Variants in DOC2A observed in about 807,000 individuals in gnomAD.
The protein encoded by DOC2A is double C2 domain alpha.
DOC2A carries 28 observed loss-of-function variants against 40.6 expected under a neutral mutation model. The observed-to-expected ratio is 0.69, with a 90% confidence interval of 0.51 to 0.95. The LOEUF (loss-of-function observed/expected upper bound fraction) is 0.95. Ranked by LOEUF, DOC2A falls within the 40% of genes least tolerant of loss-of-function variation. The probability of loss-of-function intolerance (pLI) is 0.00; values close to 1 mark genes in which losing one functional copy is unlikely to be tolerated. For synonymous variants in DOC2A, 241 were observed against 236.9 expected, an observed-to-expected ratio of 1.02 and a Z score of -0.16; for missense variants, 474 against 552.5, an observed-to-expected ratio of 0.86 and a Z score of 1.42.
rs2070624679 is a variant in DOC2A at position 30,006,966 on chromosome 16, A to G, written c.715-18T>C. 1.2e-6 allele frequency: 2 copies of G among 1,613,694 alleles called. No homozygotes were observed. Among genetic ancestry groups the G allele is most frequent in the South Asian group, 1.1e-5 (1 of 91,044 alleles). On this transcript the variant is annotated intron_variant, in intron 7 of 10. Coordinates refer to ENST00000350119, the MANE Select transcript of DOC2A (RefSeq NM_003586.3). This position sits in a 1 kb window ranked among gnomAD's most constrained non-coding sequence, Gnocchi z 6.2. ...TGCTCCAACTGCGGGGCACAGACTC[A>G]GGGTCAGCCTGGGCCCCTGCAGCCT...
chr16:30,011,243 A>G (rs12933575), upstream of DOC2A: 412,223 of 871,974 alleles, frequency 0.47, 98,254 homozygotes, highest in African/African-American at 0.56. Flanking sequence ...CACACATCCA[A>G]CCGGGCACCC....
rs1460306769 is a variant in DOC2A at position 30,009,591 on chromosome 16, TG to T, written c.263-35del. 2 of 1,502,864 alleles carry T rather than the reference TG, an allele frequency of 1.3e-6. No homozygotes were observed. The highest frequency in any genetic ancestry group is 1.8e-6 in the Non-Finnish European group (2 of 1,105,034). 93.1% of individuals were successfully genotyped at this position (1,502,864 alleles called of 1,614,324 possible). A position where few individuals can be genotyped will look rare whatever the true frequency, so the allele number is the denominator to read the frequency against. ...AGAGGAAAGGCAGCATGGGTCGGTA[TG>T]GAGACAGGTGTGTGCGAGAGGCCAG... On this transcript the variant is annotated intron_variant, in intron 2 of 10. Coordinates refer to ENST00000350119, the MANE Select transcript of DOC2A (RefSeq NM_003586.3). The surrounding 1 kb of genome is among the most constrained non-coding windows in gnomAD (Gnocchi z 4.1).
upstream of DOC2A, chr16:30,011,245 C>T: frequency 2.3e-6 from 2 of 888,282 alleles, no homozygotes; most frequent in Non-Finnish European, 2.7e-6. Context: ...CACATCCAAC[C>T]GGGCACCCCC....
chr16:30,009,992 C>A lies in DOC2A; in HGVS notation c.231G>T (p.Ala77=), dbSNP rs527492087. The change falls in exon 2 of 11, where the codon GCG becomes GCT. Residue 77 remains alanine (A), a synonymous_variant. Coordinates refer to ENST00000350119, the MANE Select transcript of DOC2A (RefSeq NM_003586.3). This position sits in a 1 kb window ranked among gnomAD's most constrained non-coding sequence, Gnocchi z 4.1. The part of the protein sequence containing the change: ...LLGATTPEDG[A]EVDSYDSDDA... ...CATCCGAGTCATAGCTGTCCACCTC[C>A]GCACCATCCTCAGGCGTGGTGGCCC... 6.2e-7 allele frequency: 1 copy of A among 1,611,894 alleles called. No individual in the cohort carries two copies. The highest frequency in any genetic ancestry group is 8.5e-7 in the Non-Finnish European group (1 of 1,179,842).
At chr16:30,016,237 T>C (rs1288835934), upstream of DOC2A, among the ~76,000 whole-genome samples, 3 of 149,806 alleles carry the variant, frequency 2.0e-5, no homozygotes, top group East Asian at 2.0e-4. Flanking sequence ...TTAGTGGAGA[T>C]AGGGTTTCAC....
intron 1 of DOC2A, among the ~76,000 whole-genome samples, chr16:30,018,464 G>C (rs926889241): frequency 6.6e-6 from 1 of 152,096 alleles, no homozygotes; most frequent in Non-Finnish European, 1.5e-5. Flanking sequence ...CGGATTACAG[G>C]CATGAGCCCC....
upstream of DOC2A, among the ~76,000 whole-genome samples, chr16:30,014,737 A>G (rs1466242510): frequency 1.3e-5 from 2 of 152,002 alleles, no homozygotes; most frequent in African/African-American, 4.8e-5. Context: ...CAGGAGTTCA[A>G]GATCAGCCTA....
Position 30,010,903 on chromosome 16 carries a change from C to G in DOC2A, c.-14G>C. 6.9e-6 allele frequency: 7 copies of G among 1,020,652 alleles called. No individual in the cohort carries two copies. The highest frequency in any genetic ancestry group is 8.2e-6 in the Non-Finnish European group (7 of 850,404). 63.2% of individuals were successfully genotyped at this position (1,020,652 alleles called of 1,614,324 possible). On this transcript the variant is annotated splice_region_variant and 5_prime_UTR_variant, in exon 1 of 11. Transcript: ENST00000350119. This position sits in a 1 kb window ranked among gnomAD's most constrained non-coding sequence, Gnocchi z 4.2. Reference sequence around the variant, plus strand: ...GGCCTGCCCAGCCCCCTGCACCTGCCTCTGCCTCCAACAGGTGCCCAGGCA... The same window carrying G: ...GGCCTGCCCAGCCCCCTGCACCTGCGTCTGCCTCCAACAGGTGCCCAGGCA...
In DOC2A at chr16:30,020,335, G is replaced by A. The variant is rs553811802; in HGVS notation, c.-376+848C>T. On this transcript the variant is annotated intron_variant, in intron 1 of 5. Transcript: ENST00000574405. ...CTGGGATCATAGGTGTGAGCACCGC[G>A]CCTGGCCCAAAAACCACATTACTGA... 3.9e-5 allele frequency among the ~76,000 whole-genome samples: 6 copies of A among 152,144 alleles called. No homozygotes were observed. The South Asian group carries it at 8.3e-4, about 21-fold the overall frequency.
chr16:30,006,213 A>AG lies in DOC2A; in HGVS notation c.1175dup (p.Ala393CysfsTer53). 3.8e-6 allele frequency: 6 copies of AG among 1,587,848 alleles called. No homozygotes were observed. The highest frequency in any genetic ancestry group is 5.1e-6 in the Non-Finnish European group (6 of 1,168,580). ...AGGCTGAGGACAGAGCCCCGGCCGC[A>AG]GGGGGCAGCTCACTGGTCAGGGTGT... is the stretch of plus-strand genomic sequence containing the variant. On this transcript the variant is annotated frameshift_variant, in exon 11 of 11. Transcript: ENST00000350119. LOFTEE classifies it high-confidence loss of function. The surrounding 1 kb of genome is among the most constrained non-coding windows in gnomAD (Gnocchi z 6.2).
intron 1 of DOC2A, chr16:30,018,962 C>T (rs2070884870): frequency 6.6e-6 from 1 of 152,146 alleles, no homozygotes; most frequent in South Asian, 2.1e-4. Context: ...ATTATGAGCT[C>T]TTTTGTGGAC....
intron 1 of DOC2A, among the ~76,000 whole-genome samples, chr16:30,017,748 G>A (rs2070868509): frequency 6.6e-6 from 1 of 152,042 alleles, no homozygotes; most frequent in Admixed American, 6.6e-5. Flanking sequence ...CTTGAGGCCA[G>A]GAGTTTGAGA....
upstream of DOC2A, among the ~76,000 whole-genome samples, chr16:30,016,202 C>T (rs141515365): frequency 0.013 from 1,892 of 150,966 alleles, 20 homozygotes; most frequent in Non-Finnish European, 0.02. Context: ...GTGCACACCA[C>T]CATGCCTGGC....
chr16:30,007,629 T>C, intron 5 of DOC2A: 1 of 406,704 alleles, frequency 2.5e-6, no homozygotes, highest in Non-Finnish European at 4.7e-6. Flanking sequence ...CCGTGAGAGC[T>C]AGAAGGGCCT....
At chr16:30,012,432 G>A (rs924600379), upstream of DOC2A, 3 of 152,136 alleles carry the variant, frequency 2.0e-5, no homozygotes, top group African/African-American at 7.2e-5. Flanking sequence ...TCTAAGTGCT[G>A]TTATTTAAAA....
At chr16:30,011,440 C>T (rs1484563358), upstream of DOC2A, 12 of 983,920 alleles carry the variant, frequency 1.2e-5, no homozygotes, top group Non-Finnish European at 1.3e-5. Flanking sequence ...GGAGACCTGG[C>T]CCCCCGCCCC....
upstream of DOC2A, chr16:30,013,634 G>C (rs1052955682): frequency 4.6e-5 from 4 of 87,802 alleles, no homozygotes; most frequent in African/African-American, 1.4e-4. Flanking sequence ...AAAATCCTTA[G>C]ACCCAGAAAT....
Position 30,009,058 on chromosome 16 carries a change from C to T in DOC2A, c.465G>A (p.Val155=). ...TKTQRNTLNP[V]WNEDLTYSGI... ...CGCTGTAAGTCAGGTCCTCATTCCA[C>T]ACGGGATTCAGTGTGTTCCTCTGAG... is the stretch of plus-strand genomic sequence containing the variant. Residue 155 remains valine (V), a synonymous_variant, in exon 5 of 11, where the codon GTG becomes GTA. Transcript: ENST00000350119. This position sits in a 1 kb window ranked among gnomAD's most constrained non-coding sequence, Gnocchi z 4.1. 1 of 1,614,130 alleles carries T rather than the reference C, an allele frequency of 6.2e-7. No individual in the cohort carries two copies. The highest frequency in any genetic ancestry group is 8.5e-7 in the Non-Finnish European group (1 of 1,180,030).
chr16:30,011,036 G>C (rs551651896), upstream of DOC2A: 2,466 of 986,166 alleles, frequency 2.5e-3, 6 homozygotes, highest in Non-Finnish European at 2.7e-3. Context: ...GCGGGGAGGA[G>C]GGGGTGAGCG....
Sources: gnomAD v4.1 joint callset for allele counts (sites outside exome capture counted in the v4.1 genomes callset) on GRCh38, gnomAD v4.1.1 for gene constraint, Gnocchi (gnomAD v3.1) non-coding constraint, MANE v1.5 for transcripts, NCBI Gene and HGNC (gene_info 2026-07-23, HGNC 2026-07-21) for gene names.